JAM3: variants seen among roughly 807,000 people sequenced by gnomAD.
The protein encoded by JAM3 is junctional adhesion molecule 3.
A neutral mutation model predicts 39.4 loss-of-function variants in JAM3; 31 were observed. The observed-to-expected ratio is 0.79, with a 90% CI of 0.59 to 1.06. JAM3 has a LOEUF of 1.06. Ranked by LOEUF, JAM3 falls within the 50% of genes least tolerant of loss-of-function variation. The pLI, the probability that JAM3 is intolerant of heterozygous loss-of-function variation, is 0.00. For missense variants in JAM3, 455 were observed against 391.4 expected (o/e 1.16, Z -1.37); for synonymous variants, 182 against 148.7 (o/e 1.22, Z -1.63).
chr11:134,130,463 A>G (rs1307821284), intron 1 of JAM3, among the ~76,000 whole-genome samples: 1 of 152,220 alleles, frequency 6.6e-6, no homozygotes, highest in East Asian at 1.9e-4. Context: ...AATAGTGACA[A>G]GGCTAACTTA....
chr11:134,070,455 G>A (rs1232084921), intron 1 of JAM3, among the ~76,000 whole-genome samples: 1 of 152,188 alleles, frequency 6.6e-6, no homozygotes, highest in Non-Finnish European at 1.5e-5. Flanking sequence ...TATGCTAATG[G>A]GATGCTCGTG....
intron 1 of JAM3, among the ~76,000 whole-genome samples, chr11:134,128,228 GT>G (rs57653665): frequency 0.067 from 10,202 of 152,222 alleles, 385 homozygotes; most frequent in African/African-American, 0.085. Context: ...ATTCCATGTG[GT>G]TTTAGAAATC....
In JAM3 at chr11:134,082,607, G is replaced by A. The variant is rs560505463; in HGVS notation, c.76+13448G>A. On this transcript the variant is annotated intron_variant, in intron 1 of 8. Coordinates refer to ENST00000299106, the MANE Select transcript of JAM3 (RefSeq NM_032801.5). ...ACAAGCTCTTCTCTTGTCTGCCGCCGTGTGAGATATGCCTTTCACCTTCTG... is the reference window on the plus strand; with the variant it reads ...ACAAGCTCTTCTCTTGTCTGCCGCCATGTGAGATATGCCTTTCACCTTCTG... Among the ~76,000 whole-genome samples, 55 of 152,258 alleles carry A rather than the reference G, an allele frequency of 3.6e-4. No homozygotes were observed. The South Asian group carries it at 4.6e-3, about 13-fold the overall frequency.
chr11:134,151,124 G>A lies in JAM3; in HGVS notation c.*1943G>A, dbSNP rs1344269381. 1 of 152,282 alleles carries A rather than the reference G, an allele frequency of 6.6e-6. No individual in the cohort carries two copies. The highest frequency in any genetic ancestry group is 6.5e-5 in the Admixed American group (1 of 15,288). 9.4% of individuals were successfully genotyped at this position (152,282 alleles called of 1,614,324 possible). On this transcript the variant is annotated 3_prime_UTR_variant, in exon 9 of 9. Transcript: ENST00000299106. ...AGGAGCACTCCACTGTGTGCCTGGA[G>A]AATGGCTCTCACTACTCACCTTGTC...
At chr11:134,098,419 G>A (rs150420040) in intron 1 of JAM3, among the ~76,000 whole-genome samples, 3 of 152,140 alleles carry the variant, frequency 2.0e-5, no homozygotes, top group African/African-American at 4.8e-5. Flanking sequence ...GAAAGTTCAC[G>A]TGAGATAATT....
At position 134,149,568 on chromosome 11, in the gene JAM3, A is replaced by G; in HGVS notation, c.*387A>G. 1 of 478,802 alleles carries G rather than the reference A, an allele frequency of 2.1e-6. No individual in the cohort carries two copies. The highest frequency in any genetic ancestry group is 1.5e-5 in the South Asian group (1 of 64,756). 29.7% of individuals were successfully genotyped at this position (478,802 alleles called of 1,614,324 possible). On this transcript the variant is annotated 3_prime_UTR_variant, in exon 9 of 9. Transcript: ENST00000299106. ...GTCGTTCAGCAGCCACGACAGCACC[A>G]TGTGAGATGGCGAGGTGGCTGGACA...
intron 6 of JAM3, 118 bp from the exon 7 acceptor site, chr11:134,148,429 C>A: frequency 2.3e-6 from 3 of 1,294,456 alleles, no homozygotes; most frequent in Non-Finnish European, 1.1e-6. Context: ...TGGGGTAGGC[C>A]TGAGGGGGCA....
intron 1 of JAM3, among the ~76,000 whole-genome samples, chr11:134,119,476 T>C (rs1942496335): frequency 6.6e-6 from 1 of 152,208 alleles, no homozygotes; most frequent in South Asian, 2.1e-4. Context: ...TTTAGGATTC[T>C]CCAGAGAAAC....
intron 1 of JAM3, among the ~76,000 whole-genome samples, chr11:134,071,953 G>C (rs1008509310): frequency 6.6e-6 from 1 of 152,144 alleles, no homozygotes; most frequent in Non-Finnish European, 1.5e-5. Flanking sequence ...AGACTGAATG[G>C]ATAAGTACTA....
intron 1 of JAM3, among the ~76,000 whole-genome samples, chr11:134,092,752 C>G (rs1341924271): frequency 1.5e-4 from 20 of 137,552 alleles, no homozygotes; most frequent in African/African-American, 5.0e-4. Flanking sequence ...CCTGAACCCT[C>G]CTTATTCATC....
At chr11:134,077,963 T>G (rs758733938) in intron 1 of JAM3, among the ~76,000 whole-genome samples, 1 of 151,946 alleles carries the variant, frequency 6.6e-6, no homozygotes, top group East Asian at 1.9e-4. Context: ...AGGATGCTTT[T>G]TCTTGAGAGT....
chr11:134,125,503 A>G (rs542179828), intron 1 of JAM3, among the ~76,000 whole-genome samples: 2 of 152,342 alleles, frequency 1.3e-5, no homozygotes, highest in South Asian at 2.1e-4. Flanking sequence ...TTATAAGATT[A>G]TACAATAAAG....
At chr11:134,114,727 T>C (rs1423587491) in intron 1 of JAM3, among the ~76,000 whole-genome samples, 5 of 152,240 alleles carry the variant, frequency 3.3e-5, no homozygotes, top group African/African-American at 4.8e-5. Context: ...ATGACTTGAA[T>C]CTTTTAAAAC....
intron 1 of JAM3, among the ~76,000 whole-genome samples, chr11:134,073,316 C>T (rs1227080424): frequency 6.6e-6 from 1 of 152,190 alleles, no homozygotes; most frequent in Non-Finnish European, 1.5e-5. Flanking sequence ...TTAATACATA[C>T]AGCAGAGGTT....
intron 1 of JAM3, among the ~76,000 whole-genome samples, chr11:134,134,092 A>G (rs115122489): frequency 0.025 from 3,823 of 152,178 alleles, 165 homozygotes; most frequent in African/African-American, 0.087. Context: ...ACGAAACACT[A>G]GAGATAAAAA....
intron 1 of JAM3, among the ~76,000 whole-genome samples, chr11:134,117,503 C>G (rs948488485): frequency 2.0e-5 from 3 of 152,236 alleles, no homozygotes; most frequent in African/African-American, 7.2e-5. Context: ...TGCAGTAAAA[C>G]TGATGTGAAC....
At position 134,139,306 on chromosome 11, in the gene JAM3, G is replaced by T. The variant is rs554077369; in HGVS notation, c.77-545G>T. Reference sequence around the variant, plus strand: ...ATTTTTCTCATTTCAACAAAGACCGGTGAAAACTTCTTCGTGGACTGGAAC... The same window carrying T: ...ATTTTTCTCATTTCAACAAAGACCGTTGAAAACTTCTTCGTGGACTGGAAC... On this transcript the variant is annotated intron_variant, in intron 1 of 8. Transcript: ENST00000299106. Among the ~76,000 whole-genome samples the T allele has an allele frequency of 2.0e-5, 3 of 152,346 alleles. No homozygotes were observed. In the South Asian group the frequency reaches 6.2e-4, roughly 32 times the overall value.
intron 1 of JAM3, among the ~76,000 whole-genome samples, chr11:134,085,357 T>C (rs1015412075): frequency 7.2e-5 from 11 of 152,214 alleles, no homozygotes; most frequent in African/African-American, 2.7e-4. Flanking sequence ...TAACTATTAT[T>C]TCCTAGGCAG....
intron 1 of JAM3, among the ~76,000 whole-genome samples, chr11:134,105,385 A>G (rs938940995): frequency 6.6e-6 from 1 of 152,210 alleles, no homozygotes; most frequent in Admixed American, 6.5e-5. Context: ...TGACAAACCC[A>G]CAGCCAATAT....
Sources: allele counts gnomAD v4.1 joint callset (sites outside exome capture counted in the v4.1 genomes callset), GRCh38; gene constraint gnomAD v4.1.1; transcripts MANE v1.5; gene names NCBI Gene and HGNC (gene_info 2026-07-23, HGNC 2026-07-21).